The following CACNA2D3 variants were observed in gnomAD, a reference collection of about 807,000 sequenced individuals.
CACNA2D3 encodes voltage-dependent calcium channel subunit alpha-2/delta-3.
In CACNA2D3, 60 loss-of-function variants were observed where a neutral mutation model predicts 160.6. The ratio of observed to expected loss-of-function variants is 0.37; its 90% CI spans 0.30 to 0.46. CACNA2D3 has a LOEUF of 0.46. Ranked by LOEUF, CACNA2D3 falls within the 20% of genes least tolerant of loss-of-function variation. The pLI is 1.00. For missense variants in CACNA2D3, 1,205 were observed against 1,365.0 expected, an observed-to-expected ratio of 0.88 and a Z score of 1.85; for synonymous variants, 558 against 492.9, an observed-to-expected ratio of 1.13 and a Z score of -1.75.
chr3:54,172,340 C>T (rs1044137308), intron 2 of CACNA2D3, among the ~76,000 whole-genome samples: 3 of 152,242 alleles, frequency 2.0e-5, no homozygotes, highest in Non-Finnish European at 4.4e-5. Flanking sequence ...CTACACACAG[C>T]ACTGCTGCAA....
intron 11 of CACNA2D3, among the ~76,000 whole-genome samples, chr3:54,720,303 ATATCATATTTTCAT>A (rs1701145773): frequency 6.6e-6 from 1 of 151,966 alleles, no homozygotes; most frequent in Non-Finnish European, 1.5e-5. Context: ...GCACTTTTAG[ATATCATATTTTCAT>A]TATCATTGAA....
chr3:54,447,691 C>T (rs1440092896), intron 4 of CACNA2D3, among the ~76,000 whole-genome samples: 1 of 152,220 alleles, frequency 6.6e-6, no homozygotes, highest in African/African-American at 2.4e-5. Flanking sequence ...AAAGCAAATA[C>T]AGGCCAGAGA....
chr3:54,231,289 G>A (rs1284195392), intron 2 of CACNA2D3, among the ~76,000 whole-genome samples: 3 of 152,168 alleles, frequency 2.0e-5, no homozygotes, highest in Non-Finnish European at 4.4e-5. Context: ...TTAAGCAGGA[G>A]TTACAAAGCC....
intron 5 of CACNA2D3, among the ~76,000 whole-genome samples, chr3:54,531,735 T>A (rs1367840733): frequency 6.6e-6 from 1 of 152,212 alleles, no homozygotes; most frequent in Non-Finnish European, 1.5e-5. Flanking sequence ...AAACTTGAAT[T>A]GCTTGGGTGG....
chr3:54,134,676 C>T (rs1699784288), intron 2 of CACNA2D3, among the ~76,000 whole-genome samples: 1 of 152,236 alleles, frequency 6.6e-6, no homozygotes, highest in Admixed American at 6.5e-5. Flanking sequence ...GCAGGCAGGT[C>T]CCTTGCCCAC....
At chr3:54,299,989 G>C (rs1416978771) in intron 2 of CACNA2D3, among the ~76,000 whole-genome samples, 1 of 152,176 alleles carries the variant, frequency 6.6e-6, no homozygotes, top group African/African-American at 2.4e-5. Context: ...TTCTCTCTCA[G>C]CATTTGCTGC....
intron 2 of CACNA2D3, among the ~76,000 whole-genome samples, chr3:54,204,950 A>G (rs1169577505): frequency 1.3e-5 from 2 of 152,188 alleles, no homozygotes; most frequent in African/African-American, 4.8e-5. Context: ...AGAAAAAAAC[A>G]TAGAGAATAA....
chr3:54,256,752 C>T (rs182194623), intron 2 of CACNA2D3, among the ~76,000 whole-genome samples: 46 of 76,932 alleles, frequency 6.0e-4, no homozygotes, highest in Non-Finnish European at 6.7e-4. Context: ...AGTGAGACTC[C>T]GTCTCAAAAA....
At chr3:54,134,906 G>A (rs771305217) in intron 2 of CACNA2D3, among the ~76,000 whole-genome samples, 5 of 152,266 alleles carry the variant, frequency 3.3e-5, no homozygotes, top group Non-Finnish European at 5.9e-5. Flanking sequence ...GAGCACCGCA[G>A]TGCAGGGCGG....
chr3:54,294,341 T>C (rs55751124), intron 2 of CACNA2D3, among the ~76,000 whole-genome samples: 32,972 of 151,974 alleles, frequency 0.22, 3,780 homozygotes, highest in South Asian at 0.34. Flanking sequence ...TGCGACAAAG[T>C]TTTTCGAGGG....
At chr3:54,128,662 G>T (rs1699646610) in intron 2 of CACNA2D3, among the ~76,000 whole-genome samples, 2 of 152,090 alleles carry the variant, frequency 1.3e-5, no homozygotes, top group African/African-American at 4.8e-5. Context: ...GCTACTTCAG[G>T]GGTCCCTCCA....
chr3:54,340,013 A>G (rs751310651), intron 3 of CACNA2D3, among the ~76,000 whole-genome samples: 3 of 152,214 alleles, frequency 2.0e-5, no homozygotes, highest in Non-Finnish European at 4.4e-5. Context: ...TGATGAGTCC[A>G]TAGTGGTTAT....
At chr3:54,259,659 A>T (rs1298882344) in intron 2 of CACNA2D3, among the ~76,000 whole-genome samples, 1 of 152,224 alleles carries the variant, frequency 6.6e-6, no homozygotes, top group Admixed American at 6.5e-5. Context: ...AAGCACACTT[A>T]TCATGACTGG....
At chr3:55,065,083 G>A (rs926747227) in intron 35 of CACNA2D3, among the ~76,000 whole-genome samples, 1 of 152,140 alleles carries the variant, frequency 6.6e-6, no homozygotes, top group African/African-American at 2.4e-5. Flanking sequence ...TTTATCCTAA[G>A]CATGATGCTA....
In CACNA2D3 at chr3:54,692,002, A is replaced by G. The variant is rs542920997; in HGVS notation, c.1167+49761A>G. 2.0e-3 allele frequency among the ~76,000 whole-genome samples: 302 copies of G among 151,872 alleles called. 1 individual carries two copies. The highest frequency in any genetic ancestry group is 6.6e-3 in the African/African-American group (275 of 41,432). On this transcript the variant is annotated intron_variant, in intron 11 of 37. Coordinates refer to ENST00000474759, the MANE Select transcript of CACNA2D3 (RefSeq NM_018398.3). Reference sequence around the variant, plus strand: ...TTCTTTCTTCCTTTTTTTTTGAGACAGAGTCTCACTTGTCCAGGCTGGAGT... The same window carrying G: ...TTCTTTCTTCCTTTTTTTTTGAGACGGAGTCTCACTTGTCCAGGCTGGAGT...
intron 4 of CACNA2D3, among the ~76,000 whole-genome samples, chr3:54,411,317 C>G (rs1266226079): frequency 6.6e-6 from 1 of 152,204 alleles, no homozygotes; most frequent in Non-Finnish European, 1.5e-5. Flanking sequence ...AAAATGCTAT[C>G]AAACAACATT....
At chr3:54,886,926 A>G (rs62254537) in intron 23 of CACNA2D3, among the ~76,000 whole-genome samples, 20,762 of 90,684 alleles carry the variant, frequency 0.23, 1,718 homozygotes, top group African/African-American at 0.31. Context: ...TTCGCTTTTC[A>G]GCAAAGCTCT....
At position 54,863,154 on chromosome 3, in the gene CACNA2D3, C is replaced by T. The variant is rs116756088; in HGVS notation, c.1627-8385C>T. 4.4e-3 allele frequency among the ~76,000 whole-genome samples: 669 copies of T among 152,320 alleles called. 7 individuals are homozygous for T. The highest frequency in any genetic ancestry group is 0.014 in the African/African-American group (584 of 41,590). ...TGGCTTTGGAGAAGGCATATATCCA[C>T]GTTCGAGAACTCAGTGCAGCCCTGT... is the stretch of plus-strand genomic sequence containing the variant. On this transcript the variant is annotated intron_variant, in intron 17 of 37. Transcript: ENST00000474759.
chr3:55,004,584 T>A (rs532556589), intron 31 of CACNA2D3, among the ~76,000 whole-genome samples, 179 bp from the exon 32 acceptor site: 1 of 152,346 alleles, frequency 6.6e-6, no homozygotes, highest in Non-Finnish European at 1.5e-5. Flanking sequence ...AGTGGTAACA[T>A]GACTGTGCCT....
Sources: allele counts gnomAD v4.1 joint callset (sites outside exome capture counted in the v4.1 genomes callset), GRCh38; gene constraint gnomAD v4.1.1; transcripts MANE v1.5; gene names NCBI Gene and HGNC (gene_info 2026-07-23, HGNC 2026-07-21).